Variants in AASS observed in about 807,000 individuals in gnomAD.
The protein encoded by AASS is alpha-aminoadipic semialdehyde synthase, mitochondrial.
A neutral mutation model predicts 105.4 loss-of-function variants in AASS; 86 were observed. The ratio of observed to expected loss-of-function variants is 0.82; its 90% CI spans 0.69 to 0.98. The LOEUF (loss-of-function observed/expected upper bound fraction) is 0.98, where lower values mean the gene tolerates loss of function less well. Ranked by LOEUF, AASS falls within the 50% of genes least tolerant of loss-of-function variation. The pLI, the probability that AASS is intolerant of heterozygous loss-of-function variation, is 0.00. For synonymous variants in AASS, 381 were observed against 394.8 expected (o/e 0.96, Z 0.41); for missense variants, 1,048 against 1,143.2 (o/e 0.92, Z 1.20).
intron 11 of AASS, among the ~76,000 whole-genome samples, chr7:122,112,199 T>C (rs1373389041): frequency 3.3e-5 from 5 of 152,218 alleles, no homozygotes; most frequent in Non-Finnish European, 7.3e-5. Context: ...TTAATGATGG[T>C]ATTTACCTAA....
intron 19 of AASS, among the ~76,000 whole-genome samples, chr7:122,083,127 T>A (rs1453745898): frequency 6.6e-6 from 1 of 152,132 alleles, no homozygotes; most frequent in Non-Finnish European, 1.5e-5. Context: ...TCCTGTAACG[T>A]CAGATATTTC....
At chr7:122,098,895 A>C in intron 13 of AASS, 29 bp from the exon 14 acceptor site, 1 of 1,518,840 alleles carries the variant, frequency 6.6e-7, no homozygotes, top group Non-Finnish European at 8.8e-7. Context: ...AAAAAAAAAA[A>C]AGGGAAGGGG....
chr7:122,092,806 C>T (rs1466731657), intron 17 of AASS, 37 bp downstream of exon 17: 11 of 1,476,628 alleles, frequency 7.4e-6, no homozygotes, highest in Non-Finnish European at 1.0e-5. Flanking sequence ...AGAATTTAGA[C>T]ATTTTAATGT....
chr7:122,091,344 G>A (rs1793888956), intron 18 of AASS, among the ~76,000 whole-genome samples: 1 of 152,118 alleles, frequency 6.6e-6, no homozygotes, highest in South Asian at 2.1e-4. Flanking sequence ...TTCATTCTCT[G>A]TGACAGTCTT....
chr7:122,113,602 C>A lies in AASS; in HGVS notation c.1162G>T (p.Asp388Tyr). Reference protein sequence around the residue: ...MYDADQHIIHDSVEGSGILMC... With the variant: ...MYDADQHIIHYSVEGSGILMC... ...TAACAACTTTAGCAAACTCACCTGT[C>A]ATGAATAATATGCTGGTCTGCATCA... Residue 388 changes from aspartate (D) to tyrosine (Y), a missense_variant, in exon 10 of 24, where the codon GAC becomes TAC. Asp to Tyr is a radical substitution (Grantham distance 160, BLOSUM62 -3). Coordinates refer to ENST00000417368, the MANE Select transcript of AASS (RefSeq NM_005763.4). 1 of 1,613,504 alleles carries A rather than the reference C, an allele frequency of 6.2e-7. No homozygotes were observed. Among genetic ancestry groups the A allele is most frequent in the South Asian group, 1.1e-5 (1 of 91,070 alleles).
rs1231950893 is a variant in AASS, at chr7:122,097,901, GC to G, written c.1655+548del. Reference sequence around the variant, plus strand: ...AAAGACAAATACCGAAATGTGTATAGCAGTGTGACTTATAATAGCCAAAATC... The same window carrying G: ...AAAGACAAATACCGAAATGTGTATAGAGTGTGACTTATAATAGCCAAAATC... On this transcript the variant is annotated intron_variant, in intron 15 of 23. Transcript: ENST00000417368. 2.0e-5 allele frequency among the ~76,000 whole-genome samples: 3 copies of G among 151,964 alleles called. No homozygotes were observed. The South Asian group carries it at 6.2e-4, about 32-fold the overall frequency.
Position 122,113,183 on chromosome 7 carries a change from C to T in AASS, c.1213G>A (p.Ala405Thr). ...TCTGTAGCTTCAATTGGGAGCTGTG[C>T]CGGCAAATTGTCAATGGAACACATC... ...ILMCSIDNLPAQLPIEATECF... is the reference protein window; with the variant it reads ...ILMCSIDNLPTQLPIEATECF... Residue 405 changes from alanine (A) to threonine (T), a missense_variant, in exon 11 of 24, where the codon GCA becomes ACA. Transcript: ENST00000417368. The T allele has an allele frequency of 1.2e-6, 2 of 1,614,008 alleles. No homozygotes were observed. Among genetic ancestry groups the T allele is most frequent in the Non-Finnish European group, 1.7e-6 (2 of 1,179,960 alleles).
intron 11 of AASS, among the ~76,000 whole-genome samples, chr7:122,103,838 A>C (rs7455978): frequency 6.6e-6 from 1 of 151,980 alleles, no homozygotes; most frequent in Admixed American, 6.6e-5. Flanking sequence ...GGGAGGGTAG[A>C]ATTCTACAGT....
chr7:122,098,636 T>A, intron 14 of AASS, 60 bp from the exon 15 acceptor site: 1 of 1,580,850 alleles, frequency 6.3e-7, no homozygotes, highest in Non-Finnish European at 8.6e-7. Context: ...TATTTTAACA[T>A]CTCCAAAAAT....
intron 10 of AASS, 126 bp downstream of exon 10, chr7:122,113,472 A>G: frequency 1.6e-6 from 2 of 1,230,880 alleles, no homozygotes; most frequent in Non-Finnish European, 2.3e-6. Context: ...CCCAAATTTT[A>G]GTATGTTTGA....
In AASS at chr7:122,074,433, G is replaced by T. The variant is rs1288078551; in HGVS notation, c.*2056C>A. On this transcript the variant is annotated 3_prime_UTR_variant, in exon 24 of 24. Coordinates refer to ENST00000417368, the MANE Select transcript of AASS (RefSeq NM_005763.4). Reference sequence around the variant, plus strand: ...AAAAAATTATCTCATTCTGTGGGTTGTATTTTTGCTTTCTTGATATTGTCC... The same window carrying T: ...AAAAAATTATCTCATTCTGTGGGTTTTATTTTTGCTTTCTTGATATTGTCC... Among the ~76,000 whole-genome samples, 1 of 152,054 alleles carries T rather than the reference G, an allele frequency of 6.6e-6. No homozygotes were observed. The highest frequency in any genetic ancestry group is 1.5e-5 in the Non-Finnish European group (1 of 67,992).
intron 18 of AASS, among the ~76,000 whole-genome samples, chr7:122,088,587 A>G (rs1354786986): frequency 2.6e-5 from 4 of 152,158 alleles, no homozygotes; most frequent in Non-Finnish European, 5.9e-5. Context: ...GCCACCTGGG[A>G]TGCACTGAAA....
At chr7:122,081,117 ATCCAGT>A (rs1202779475) in intron 20 of AASS, among the ~76,000 whole-genome samples, 1 of 152,218 alleles carries the variant, frequency 6.6e-6, no homozygotes, top group African/African-American at 2.4e-5. Flanking sequence ...GAGGTTGGAA[ATCCAGT>A]TCTGTAATAC....
At chr7:122,108,705 C>T (rs947382986) in intron 11 of AASS, among the ~76,000 whole-genome samples, 4 of 152,052 alleles carry the variant, frequency 2.6e-5, no homozygotes, top group African/African-American at 9.7e-5. Flanking sequence ...GACAGACCCA[C>T]AGCTAACATC....
chr7:122,113,844 C>A, intron 9 of AASS, 124 bp from the exon 10 acceptor site: 6 of 977,894 alleles, frequency 6.1e-6, no homozygotes, highest in East Asian at 3.3e-5. Flanking sequence ...CTTTTGGGGT[C>A]TTTTTCCTAT....
intron 4 of AASS, among the ~76,000 whole-genome samples, chr7:122,122,250 T>C (rs1795473524): frequency 6.6e-6 from 1 of 152,166 alleles, no homozygotes; most frequent in Non-Finnish European, 1.5e-5. Context: ...ATGATTTCTT[T>C]ACTTTCTTCC....
chr7:122,098,333 C>T (rs1214432915), intron 15 of AASS, 117 bp downstream of exon 15: 13 of 1,163,128 alleles, frequency 1.1e-5, no homozygotes, highest in Non-Finnish European at 1.5e-5. Context: ...TGGACCCATA[C>T]TTCAATTAAA....
rs954096934 is a variant in AASS at position 122,115,112 on chromosome 7, T to C, written c.1005A>G (p.Ser335=). ...AQSLLAPGKF[S]PAGVEGCPAL... is the part of the protein sequence containing the mutation. ...CAGGGCAGCCTTCCACACCAGCAGGTGAGAACTTGCCCGGAGCCAGGAGAC... is the reference window on the plus strand; with the variant it reads ...CAGGGCAGCCTTCCACACCAGCAGGCGAGAACTTGCCCGGAGCCAGGAGAC... The change falls in exon 9 of 24, where the codon TCA becomes TCG. Residue 335 remains serine (S), a synonymous_variant. Transcript: ENST00000417368. 4.3e-6 allele frequency: 7 copies of C among 1,613,986 alleles called. No individual in the cohort carries two copies. The Admixed American group carries it at 1.2e-4, about 27-fold the overall frequency.
At position 122,082,825 on chromosome 7, in the gene AASS, G is replaced by A. The variant is rs1276734363; in HGVS notation, c.2185-1230C>T. 3.1e-6 allele frequency: 4 copies of A among 1,289,440 alleles called. No homozygotes were observed. The South Asian group carries it at 4.9e-5, about 16-fold the overall frequency. 79.9% of individuals were successfully genotyped at this position (1,289,440 alleles called of 1,614,324 possible). A position where few individuals can be genotyped will look rare whatever the true frequency, so the allele number is the denominator to read the frequency against. ...GGGTGGTTCAAGGGGAAGGAGTTAGGGAGGATACCATAGGAAGGTATTCAA... is the reference window on the plus strand; with the variant it reads ...GGGTGGTTCAAGGGGAAGGAGTTAGAGAGGATACCATAGGAAGGTATTCAA... On this transcript the variant is annotated intron_variant, in intron 19 of 23. Transcript: ENST00000417368.
Sources: allele counts gnomAD v4.1 joint callset (sites outside exome capture counted in the v4.1 genomes callset), GRCh38; gene constraint gnomAD v4.1.1; transcripts MANE v1.5; gene names NCBI Gene and HGNC (gene_info 2026-07-23, HGNC 2026-07-21).